ROBO1: variants seen among roughly 807,000 people sequenced by gnomAD.
ROBO1 encodes roundabout homolog 1.
ROBO1 carries 149 observed loss-of-function variants against 195.9 expected under a neutral mutation model. That is an observed-to-expected ratio of 0.76 (90% CI 0.67 to 0.87). ROBO1 has a LOEUF of 0.87. Ranked by LOEUF, ROBO1 falls within the 40% of genes least tolerant of loss-of-function variation. The pLI is 0.00. For synonymous variants in ROBO1, 816 were observed against 733.2 expected (o/e 1.11, Z -1.82); for missense variants, 1,933 against 2,068.3 (o/e 0.93, Z 1.27).
At chr3:79,487,783 C>A (rs567082338) in intron 2 of ROBO1, among the ~76,000 whole-genome samples, 477 of 152,108 alleles carry the variant, frequency 3.1e-3, no homozygotes, top group Non-Finnish European at 5.6e-3. Flanking sequence ...CTTATGAGGT[C>A]AAAAATTATT....
intron 2 of ROBO1, among the ~76,000 whole-genome samples, chr3:79,342,573 T>A (rs560739598): frequency 8.5e-5 from 13 of 152,312 alleles, no homozygotes; most frequent in African/African-American, 2.4e-4. Context: ...AAAAGTTACC[T>A]ATGTGATATG....
chr3:79,712,813 C>A (rs193280444), intron 1 of ROBO1, among the ~76,000 whole-genome samples: 1 of 151,996 alleles, frequency 6.6e-6, no homozygotes, highest in African/African-American at 2.4e-5. Context: ...CAATGCTTAC[C>A]GTTCCAAAAA....
intron 2 of ROBO1, among the ~76,000 whole-genome samples, chr3:79,136,315 A>T (rs1447936051): frequency 6.6e-6 from 1 of 152,098 alleles, no homozygotes; most frequent in African/African-American, 2.4e-5. Context: ...TCCTTCTGTC[A>T]TATTCAGTTA....
chr3:79,544,923 T>G (rs1211952436), intron 2 of ROBO1, among the ~76,000 whole-genome samples: 2 of 152,100 alleles, frequency 1.3e-5, no homozygotes, highest in Non-Finnish European at 1.5e-5. Flanking sequence ...CCAACTTAAC[T>G]AACAGGTTTT....
intron 4 of ROBO1, among the ~76,000 whole-genome samples, chr3:78,839,852 G>T (rs1265101971): frequency 6.6e-6 from 1 of 152,074 alleles, no homozygotes; most frequent in East Asian, 1.9e-4. Flanking sequence ...TGCCTCTCAG[G>T]CCATCTGCAG....
chr3:79,724,414 T>C (rs1264525343), intron 1 of ROBO1, among the ~76,000 whole-genome samples: 1 of 152,208 alleles, frequency 6.6e-6, no homozygotes, highest in African/African-American at 2.4e-5. Context: ...ACTTCTCTCT[T>C]CTTGAGTAAC....
chr3:78,622,745 C>A (rs1227020647), intron 26 of ROBO1, among the ~76,000 whole-genome samples: 1 of 152,210 alleles, frequency 6.6e-6, no homozygotes, highest in Non-Finnish European at 1.5e-5. Flanking sequence ...GCAACTTCCC[C>A]TTCCTGCCTT....
chr3:79,486,294 GT>G (rs982150934), intron 2 of ROBO1, among the ~76,000 whole-genome samples: 1 of 151,826 alleles, frequency 6.6e-6, no homozygotes, highest in African/African-American at 2.4e-5. Context: ...TCCTTGTGGT[GT>G]ATTAAACACA....
intron 3 of ROBO1, among the ~76,000 whole-genome samples, chr3:78,944,520 A>C (rs777767644): frequency 1.3e-5 from 2 of 152,158 alleles, no homozygotes; most frequent in African/African-American, 4.8e-5. Context: ...AGAAGAAAAT[A>C]AATGTGGAGG....
At chr3:79,292,284 G>A (rs910428176) in intron 2 of ROBO1, among the ~76,000 whole-genome samples, 2 of 152,150 alleles carry the variant, frequency 1.3e-5, no homozygotes, top group Non-Finnish European at 1.5e-5. Context: ...GGGCTGAGAT[G>A]ATGGGGTTTT....
chr3:79,045,312 T>C lies in ROBO1; in HGVS notation c.172+80144A>G, dbSNP rs144041723. ...ATGTATTTTTAGCACGAACACCAAA[T>C]AATGAACTATACATTAAAGTTTTTC... On this transcript the variant is annotated intron_variant, in intron 3 of 30. Coordinates refer to ENST00000464233, the MANE Select transcript of ROBO1 (RefSeq NM_002941.4). Among the ~76,000 whole-genome samples, 6 of 152,070 alleles carry C rather than the reference T, an allele frequency of 3.9e-5. No homozygotes were observed. The East Asian group carries it at 1.2e-3, about 29-fold the overall frequency.
intron 2 of ROBO1, among the ~76,000 whole-genome samples, chr3:79,129,841 T>C (rs1410053006): frequency 1.3e-5 from 2 of 150,896 alleles, no homozygotes; most frequent in Non-Finnish European, 3.0e-5. Context: ...TTAATCCATC[T>C]TGAATTGATT....
intron 3 of ROBO1, among the ~76,000 whole-genome samples, chr3:78,963,265 T>G (rs570025975): frequency 6.6e-6 from 1 of 151,962 alleles, no homozygotes; most frequent in Admixed American, 6.6e-5. Flanking sequence ...TGGGATGAAG[T>G]ACCAAAAGCA....
intron 26 of ROBO1, among the ~76,000 whole-genome samples, chr3:78,619,101 G>A (rs750634914): frequency 1.1e-4 from 17 of 152,190 alleles, no homozygotes; most frequent in African/African-American, 3.4e-4. Context: ...CTTGGTCAGT[G>A]ACTTGCTCAA....
intron 2 of ROBO1, among the ~76,000 whole-genome samples, chr3:79,485,599 A>G (rs1358522932): frequency 6.6e-6 from 1 of 152,274 alleles, no homozygotes; most frequent in East Asian, 1.9e-4. Context: ...AATAGATACC[A>G]TGAGTCAGAT....
At chr3:79,668,038 C>T (rs1359406911) in intron 1 of ROBO1, among the ~76,000 whole-genome samples, 1 of 151,840 alleles carries the variant, frequency 6.6e-6, no homozygotes, top group African/African-American at 2.4e-5. Context: ...ACACAGCTAA[C>T]TCTTCTGTAA....
chr3:78,816,132 T>C (rs1182429011), intron 4 of ROBO1, among the ~76,000 whole-genome samples: 6 of 152,152 alleles, frequency 3.9e-5, no homozygotes, highest in African/African-American at 9.7e-5. Flanking sequence ...CAGGAGATAA[T>C]GCAGCTGGTG....
At chr3:79,089,332 C>T (rs943095163) in intron 3 of ROBO1, among the ~76,000 whole-genome samples, 2 of 152,032 alleles carry the variant, frequency 1.3e-5, no homozygotes, top group Admixed American at 6.6e-5. Context: ...TTTTATTTTT[C>T]CTCTAAAAAT....
chr3:79,197,935 T>C (rs948334714), intron 2 of ROBO1, among the ~76,000 whole-genome samples: 3 of 151,980 alleles, frequency 2.0e-5, no homozygotes, highest in Non-Finnish European at 4.4e-5. Flanking sequence ...TTCTGGATAT[T>C]AGCCCTTTGT....
Sources: allele counts gnomAD v4.1 joint callset (sites outside exome capture counted in the v4.1 genomes callset), GRCh38; gene constraint gnomAD v4.1.1; transcripts MANE v1.5; gene names NCBI Gene and HGNC (gene_info 2026-07-23, HGNC 2026-07-21).